Variants in GALNT13 observed in about 807,000 individuals in gnomAD.
GALNT13 encodes polypeptide N-acetylgalactosaminyltransferase 13, also known as UDP-GalNAc:polypeptide N-acetylgalactosaminyltransferase 13.
A neutral mutation model predicts 64.2 loss-of-function variants in GALNT13; 28 were observed. That is an observed-to-expected ratio of 0.44 (90% CI 0.32 to 0.60). The LOEUF (loss-of-function observed/expected upper bound fraction) is 0.60, where lower values mean the gene tolerates loss of function less well. Among genes scored for constraint, GALNT13 ranks in the 20% least tolerant of loss-of-function variants. The pLI is 0.05. For missense variants in GALNT13, 577 were observed against 669.8 expected (o/e 0.86, Z 1.53); for synonymous variants, 214 against 224.6 (o/e 0.95, Z 0.42).
At chr2:154,301,327 T>G in intron 8 of GALNT13, 82 bp from the exon 9 acceptor site, 1 of 1,157,502 alleles carries the variant, frequency 8.6e-7, no homozygotes. Context: ...ACATGTAAAA[T>G]ACGAAGATTT....
the GALNT13 span, among the ~76,000 whole-genome samples, chr2:153,096,747 G>A: frequency 2.4e-4 from 36 of 152,088 alleles, no homozygotes; most frequent in Non-Finnish European, 4.1e-4. Flanking sequence ...TTCAATCTGT[G>A]TATGTCTTTA....
chr2:153,554,656 A>ATGTGTGTGTGTG, the GALNT13 span, among the ~76,000 whole-genome samples: 1,988 of 146,222 alleles, frequency 0.014, 21 homozygotes, highest in Non-Finnish European at 0.018. Flanking sequence ...GATGCTGTAT[A>ATGTGTGTGTGTG]TGTGTGTGTG....
In GALNT13 at chr2:154,308,047, C is replaced by CA. The variant is rs1328193821; in HGVS notation, c.1156+6459dup. On this transcript the variant is annotated intron_variant, in intron 9 of 12. Coordinates refer to ENST00000392825, the MANE Select transcript of GALNT13 (RefSeq NM_052917.4). ...GAAGCAGCAGTTTTTATATAACACC[C>CA]AGGTTCTTCTTCCTTTACTTGATGG... Among the ~76,000 whole-genome samples the CA allele has an allele frequency of 7.9e-5, 12 of 152,180 alleles. No homozygotes were observed. The East Asian group carries it at 2.1e-3, about 27-fold the overall frequency.
rs118161964 is a variant in GALNT13, at chr2:154,169,823, G to A, written c.311+29318G>A. ...CCACCGTATTCAATGATGAGTCTCC[G>A]TGATTGGGTCTCACTAAATCCATAA... On this transcript the variant is annotated intron_variant, in intron 4 of 12. Transcript: ENST00000392825. Among the ~76,000 whole-genome samples, 381 of 152,132 alleles carry A rather than the reference G, an allele frequency of 2.5e-3. 10 individuals are homozygous for A. In the East Asian group the frequency reaches 0.055, roughly 22 times the overall value.
chr2:153,994,175 T>C (rs893220410), intron 3 of GALNT13, among the ~76,000 whole-genome samples: 12 of 152,192 alleles, frequency 7.9e-5, no homozygotes, highest in Non-Finnish European at 1.8e-4. Flanking sequence ...GTTTGGTTTT[T>C]TTGTCCTTGC....
chr2:153,753,557 G>A, the GALNT13 span, among the ~76,000 whole-genome samples: 2 of 152,164 alleles, frequency 1.3e-5, no homozygotes, highest in African/African-American at 4.8e-5. Context: ...ACCAGGCAGA[G>A]ATTCTTGTTT....
the GALNT13 span, among the ~76,000 whole-genome samples, chr2:153,341,188 GATA>G: frequency 2.0e-5 from 3 of 152,118 alleles, no homozygotes; most frequent in East Asian, 3.9e-4. Context: ...CAAAGTTAAG[GATA>G]ATAATAAGTA....
At chr2:153,920,815 G>A (rs1237030753) in intron 2 of GALNT13, among the ~76,000 whole-genome samples, 5 of 152,084 alleles carry the variant, frequency 3.3e-5, no homozygotes, top group Non-Finnish European at 7.4e-5. Flanking sequence ...GTGGGCAAAC[G>A]ACATGAACTG....
the GALNT13 span, chr2:153,478,712 G>A: frequency 5.9e-6 from 4 of 683,718 alleles, no homozygotes; most frequent in African/African-American, 5.6e-5. Context: ...TCCCTGGGCC[G>A]TGGGAGTTTC....
chr2:154,412,223 C>T (rs888556737), intron 11 of GALNT13, among the ~76,000 whole-genome samples: 2 of 151,844 alleles, frequency 1.3e-5, no homozygotes, highest in Admixed American at 6.6e-5. Context: ...TCATATAAAA[C>T]TCAATTATTA....
intron 3 of GALNT13, among the ~76,000 whole-genome samples, chr2:154,044,969 G>C (rs1294595112): frequency 1.3e-5 from 2 of 152,150 alleles, no homozygotes; most frequent in African/African-American, 4.8e-5. Context: ...GCTGGGCCTA[G>C]GAGGATGAGG....
the GALNT13 span, among the ~76,000 whole-genome samples, chr2:153,736,380 G>A: frequency 2.0e-5 from 3 of 152,136 alleles, no homozygotes; most frequent in African/African-American, 7.2e-5. Context: ...GATGTTGCAA[G>A]TTCACCTGTG....
the GALNT13 span, among the ~76,000 whole-genome samples, chr2:153,675,020 G>C: frequency 6.6e-6 from 1 of 152,146 alleles, no homozygotes; most frequent in East Asian, 1.9e-4. Context: ...AAGTTAGAAT[G>C]GTGATCATTA....
the GALNT13 span, among the ~76,000 whole-genome samples, chr2:153,656,141 T>C: frequency 6.6e-6 from 1 of 152,154 alleles, no homozygotes; most frequent in Non-Finnish European, 1.5e-5. Context: ...TCAATAGGCT[T>C]GCTAATTCTG....
At chr2:154,244,437 C>G (rs182003804) in intron 6 of GALNT13, among the ~76,000 whole-genome samples, 9 of 152,232 alleles carry the variant, frequency 5.9e-5, no homozygotes, top group African/African-American at 1.9e-4. Context: ...AGTTGAGGCT[C>G]TGGTCAGTTG....
chr2:153,092,169 T>TTCTGAGTTC, the GALNT13 span, among the ~76,000 whole-genome samples: 1 of 152,132 alleles, frequency 6.6e-6, no homozygotes, highest in Non-Finnish European at 1.5e-5. Flanking sequence ...GCAGATTTGT[T>TTCTGAGTTC]TCTGAGTTCT....
At chr2:154,262,212 T>A (rs1690735238) in intron 8 of GALNT13, among the ~76,000 whole-genome samples, 3 of 152,152 alleles carry the variant, frequency 2.0e-5, no homozygotes, top group Non-Finnish European at 2.9e-5. Context: ...GTGGAATAGC[T>A]AAGAGTTGAC....
intron 3 of GALNT13, among the ~76,000 whole-genome samples, chr2:154,113,377 C>T (rs1301224412): frequency 1.3e-5 from 2 of 152,226 alleles, no homozygotes; most frequent in Non-Finnish European, 2.9e-5. Flanking sequence ...CCACTCCAAA[C>T]TGGCAGCCTT....
At chr2:154,442,723 A>G (rs928867651) in intron 12 of GALNT13, among the ~76,000 whole-genome samples, 4 of 152,056 alleles carry the variant, frequency 2.6e-5, no homozygotes, top group African/African-American at 9.7e-5. Context: ...TCCCTATGAT[A>G]TGTGCACATA....
Sources: allele counts gnomAD v4.1 joint callset (sites outside exome capture counted in the v4.1 genomes callset), GRCh38; gene constraint gnomAD v4.1.1; transcripts MANE v1.5; gene names NCBI Gene and HGNC (gene_info 2026-07-23, HGNC 2026-07-21).